PTPN9: variants seen among roughly 807,000 people sequenced by gnomAD.
The protein encoded by PTPN9 is tyrosine-protein phosphatase non-receptor type 9.
Under a neutral mutation model 69.8 loss-of-function variants are expected in PTPN9, and 26 were observed. The ratio of observed to expected loss-of-function variants is 0.37; its 90% CI spans 0.27 to 0.52. The LOEUF is 0.52. PTPN9 is among the 20% of genes least tolerant of loss of function. The probability of loss-of-function intolerance (pLI) is 0.91; values close to 1 mark genes in which losing one functional copy is unlikely to be tolerated. For synonymous variants in PTPN9, 274 were observed against 272.5 expected, an observed-to-expected ratio of 1.01 and a Z score of -0.05; for missense variants, 549 against 740.3, an observed-to-expected ratio of 0.74 and a Z score of 3.00.
At chr15:75,570,506 A>G (rs909187979) in intron 1 of PTPN9, among the ~76,000 whole-genome samples, 2 of 152,178 alleles carry the variant, frequency 1.3e-5, no homozygotes, top group Admixed American at 1.3e-4. Flanking sequence ...ACAGTGGCTC[A>G]TGCCTGTAAT....
intron 1 of PTPN9, 21 bp downstream of exon 1, chr15:75,578,693 G>T: frequency 7.3e-7 from 1 of 1,367,280 alleles, no homozygotes; most frequent in East Asian, 3.2e-5. Flanking sequence ...CACCCAACGC[G>T]GCGGCCTCGG....
chr15:75,503,559 CCCGCCCGG>C (rs1417679860), intron 7 of PTPN9, among the ~76,000 whole-genome samples: 1 of 113,242 alleles, frequency 8.8e-6, no homozygotes, highest in Non-Finnish European at 1.9e-5. Context: ...GGGTCAGCCC[CCCGCCCGG>C]CCAGCCGCTC....
Position 75,464,804 on chromosome 15 carries a change from CCAAGAACAAGTCCTACTCTG to C in PTPN9, c.*3945_*3964del, listed in dbSNP as rs1380843519. 3 of 152,142 alleles carry C rather than the reference CCAAGAACAAGTCCTACTCTG, an allele frequency of 2.0e-5. No individual in the cohort carries two copies. Among genetic ancestry groups the C allele is most frequent in the Non-Finnish European group, 4.4e-5 (3 of 68,042 alleles). The allele number at this position is 152,142 out of a possible 1,614,324, so 9.4% of individuals were successfully genotyped here. On this transcript the variant is annotated 3_prime_UTR_variant, in exon 13 of 13. Transcript: ENST00000618819. ...CTATGATGCTAAATAGTCCATTCTC[CCAAGAACAAGTCCTACTCTG>C]TCATTTACCTGCATACTGTCACATG...
In PTPN9 at chr15:75,509,036, A is replaced by G. The variant is rs758239398; in HGVS notation, c.529-9T>C. 8 of 1,608,856 alleles carry G rather than the reference A, an allele frequency of 5.0e-6. No individual in the cohort carries two copies. In the East Asian group the frequency reaches 1.6e-4, roughly 31 times the overall value. ...CGAGCTGGAAATGCTCCCTGTGGAG[A>G]AAACACATGAGGATTTAAGTGTAAT... On this transcript the variant is annotated splice_polypyrimidine_tract_variant and intron_variant, in intron 5 of 12. Transcript: ENST00000618819.
intron 1 of PTPN9, among the ~76,000 whole-genome samples, chr15:75,565,131 A>ATAG (rs1195066560): frequency 6.8e-6 from 1 of 147,824 alleles, no homozygotes; most frequent in African/African-American, 2.5e-5. Context: ...AATAATAATA[A>ATAG]TAATAATAAT....
At chr15:75,543,361 T>C (rs1197499202) in intron 1 of PTPN9, among the ~76,000 whole-genome samples, 1 of 152,110 alleles carries the variant, frequency 6.6e-6, no homozygotes, top group Admixed American at 6.6e-5. Context: ...AGCTAGGTAT[T>C]ATTAACCGCA....
At chr15:75,564,842 G>A (rs2075119815) in intron 1 of PTPN9, among the ~76,000 whole-genome samples, 1 of 151,790 alleles carries the variant, frequency 6.6e-6, no homozygotes. Flanking sequence ...GGTGGCTCAC[G>A]ACTGTAATCC....
intron 1 of PTPN9, among the ~76,000 whole-genome samples, chr15:75,575,946 A>T (rs2141348123): frequency 7.1e-6 from 1 of 140,210 alleles, no homozygotes; most frequent in Non-Finnish European, 1.5e-5. Context: ...AAAAAAGAGT[A>T]CTCTTGGCTG....
intron 4 of PTPN9, among the ~76,000 whole-genome samples, chr15:75,521,459 A>G (rs2141319468): frequency 6.6e-6 from 1 of 152,102 alleles, no homozygotes; most frequent in East Asian, 1.9e-4. Context: ...CTCAAAGGAA[A>G]AAAAAAATAA....
At chr15:75,567,857 G>A (rs1328476231) in intron 1 of PTPN9, among the ~76,000 whole-genome samples, 3 of 151,946 alleles carry the variant, frequency 2.0e-5, no homozygotes, top group Non-Finnish European at 2.9e-5. Context: ...TTAGCCGGGC[G>A]TGGTGGCAGG....
At chr15:75,494,157 A>AT (rs2074726735) in intron 7 of PTPN9, among the ~76,000 whole-genome samples, 1 of 145,324 alleles carries the variant, frequency 6.9e-6, no homozygotes, top group African/African-American at 2.6e-5. Context: ...TATATATATA[A>AT]AATCTATATA....
rs1249291162 is a variant in PTPN9 at position 75,488,405 on chromosome 15, A to G, written c.1062+1803T>C. On this transcript the variant is annotated intron_variant, in intron 8 of 12. Transcript: ENST00000618819. ...TTTTTCGGAGATATCACCTAATAAAATTGGTATATCAGAAGGGAAAAAAAG... is the reference window on the plus strand; with the variant it reads ...TTTTTCGGAGATATCACCTAATAAAGTTGGTATATCAGAAGGGAAAAAAAG... 2.6e-5 allele frequency among the ~76,000 whole-genome samples: 4 copies of G among 152,216 alleles called. No homozygotes were observed. The East Asian group carries it at 5.8e-4, about 22-fold the overall frequency.
intron 11 of PTPN9, 124 bp downstream of exon 11, chr15:75,470,556 C>A: frequency 8.4e-7 from 1 of 1,194,318 alleles, no homozygotes; most frequent in Non-Finnish European, 1.2e-6. Flanking sequence ...TCATCCTGTC[C>A]CTAGAAAAAC....
At chr15:75,520,257 C>T (rs1328950535) in intron 4 of PTPN9, among the ~76,000 whole-genome samples, 1 of 151,966 alleles carries the variant, frequency 6.6e-6, no homozygotes, top group Non-Finnish European at 1.5e-5. Flanking sequence ...CTCATGACTC[C>T]AGGTTGTGGC....
intron 2 of PTPN9, among the ~76,000 whole-genome samples, chr15:75,526,632 T>C (rs920210476): frequency 6.6e-6 from 1 of 152,202 alleles, no homozygotes; most frequent in Non-Finnish European, 1.5e-5. Flanking sequence ...TACATTTGCA[T>C]AAAGATACTT....
intron 1 of PTPN9, among the ~76,000 whole-genome samples, chr15:75,528,342 A>G (rs2074940184): frequency 6.6e-6 from 1 of 150,766 alleles, no homozygotes; most frequent in Admixed American, 6.6e-5. Flanking sequence ...TAGACAAACT[A>G]CTTTTCTGTT....
intron 4 of PTPN9, among the ~76,000 whole-genome samples, chr15:75,521,147 G>GT (rs1274988468): frequency 7.0e-6 from 1 of 142,036 alleles, no homozygotes; most frequent in East Asian, 2.5e-4. Context: ...ACTGCACCCA[G>GT]TTTAAGATTT....
At chr15:75,490,588 C>T (rs767817742) in intron 7 of PTPN9, among the ~76,000 whole-genome samples, 1 of 151,938 alleles carries the variant, frequency 6.6e-6, no homozygotes, top group Non-Finnish European at 1.5e-5. Context: ...TGCTTGAGGC[C>T]AGGAGTTCGT....
intron 1 of PTPN9, among the ~76,000 whole-genome samples, chr15:75,559,868 G>A (rs2075096798): frequency 1.3e-5 from 2 of 151,708 alleles, no homozygotes; most frequent in African/African-American, 2.4e-5. Flanking sequence ...CACTGGGCAC[G>A]ATGGCTCATG....
Sources: gnomAD v4.1 joint callset for allele counts (sites outside exome capture counted in the v4.1 genomes callset) on GRCh38, gnomAD v4.1.1 for gene constraint, MANE v1.5 for transcripts, NCBI Gene and HGNC (gene_info 2026-07-23, HGNC 2026-07-21) for gene names.